The following SLC24A3 variants were observed in gnomAD, a reference collection of about 807,000 sequenced individuals.
SLC24A3 encodes the protein sodium/potassium/calcium exchanger 3.
In SLC24A3, 28 loss-of-function variants were observed where a neutral mutation model predicts 75.8. The ratio of observed to expected loss-of-function variants is 0.37; its 90% CI spans 0.27 to 0.51. The LOEUF (loss-of-function observed/expected upper bound fraction) is 0.51, where lower values mean the gene tolerates loss of function less well. Ranked by LOEUF, SLC24A3 falls within the 20% of genes least tolerant of loss-of-function variation. SLC24A3 has a pLI of 0.94. For missense variants in SLC24A3, 663 were observed against 847.8 expected (o/e 0.78, Z 2.71); for synonymous variants, 372 against 334.1 (o/e 1.11, Z -1.24).
Position 19,693,337 on chromosome 20 carries a change from A to G in SLC24A3, c.1403A>G (p.Asn468Ser), listed in dbSNP as rs1299442414. 1.9e-6 allele frequency: 3 copies of G among 1,614,104 alleles called. No individual in the cohort carries two copies. The highest frequency in any genetic ancestry group is 2.2e-5 in the South Asian group (2 of 91,068). Residue 468 changes from asparagine to serine, a missense_variant, in exon 13 of 17, where the codon AAC (asparagine) becomes AGC (serine). Physicochemically the swap from Asn to Ser is conservative, Grantham distance 46. Coordinates refer to ENST00000328041, the MANE Select transcript of SLC24A3 (RefSeq NM_020689.4). ...FVLYFTVPNCNKPRWEKWFMV... is the reference protein window; with the variant it reads ...FVLYFTVPNCSKPRWEKWFMV... Reference sequence around the variant, plus strand: ...TTATACTTCACTGTACCCAACTGCAACAAGCCGCGCTGGGAGAAATGGTTC... The same window carrying G: ...TTATACTTCACTGTACCCAACTGCAGCAAGCCGCGCTGGGAGAAATGGTTC...
intron 6 of SLC24A3, among the ~76,000 whole-genome samples, chr20:19,595,108 A>C (rs753719769): frequency 5.3e-5 from 8 of 152,202 alleles, no homozygotes; most frequent in Non-Finnish European, 1.2e-4. Context: ...CACAAGCTAG[A>C]GTAAGAAAAC....
At chr20:19,303,476 G>C (rs1057451299) in intron 2 of SLC24A3, among the ~76,000 whole-genome samples, 1 of 152,138 alleles carries the variant, frequency 6.6e-6, no homozygotes, top group Non-Finnish European at 1.5e-5. Flanking sequence ...GAACATATGC[G>C]TGCCTGTATC....
intron 2 of SLC24A3, among the ~76,000 whole-genome samples, chr20:19,378,754 T>C (rs1044579957): frequency 1.3e-5 from 2 of 152,200 alleles, no homozygotes; most frequent in African/African-American, 4.8e-5. Flanking sequence ...TGTATTTCCT[T>C]CATCTGTCTG....
chr20:19,633,365 C>G (rs900299409), intron 6 of SLC24A3, among the ~76,000 whole-genome samples: 77 of 151,904 alleles, frequency 5.1e-4, no homozygotes, highest in Admixed American at 3.1e-3. Context: ...GAATGCCAGT[C>G]GTGGCCGGGC....
chr20:19,649,681 T>C (rs1188058533), intron 6 of SLC24A3, among the ~76,000 whole-genome samples: 1 of 152,126 alleles, frequency 6.6e-6, no homozygotes, highest in Non-Finnish European at 1.5e-5. Flanking sequence ...ATGGCTACAG[T>C]AGTGAGGGAG....
chr20:19,539,499 C>G (rs2030458976), intron 3 of SLC24A3, among the ~76,000 whole-genome samples: 1 of 152,196 alleles, frequency 6.6e-6, no homozygotes, highest in Admixed American at 6.5e-5. Flanking sequence ...CATCTGCCCT[C>G]ATAACACTGA....
At chr20:19,534,439 C>T (rs1290393478) in intron 3 of SLC24A3, among the ~76,000 whole-genome samples, 1 of 10,028 alleles carries the variant, frequency 1.0e-4, no homozygotes, top group Non-Finnish European at 3.2e-4. Context: ...GTGACGGAGT[C>T]TCGCTCTGTC....
chr20:19,592,797 CTT>C (rs11480179), intron 6 of SLC24A3, among the ~76,000 whole-genome samples: 2 of 126,738 alleles, frequency 1.6e-5, no homozygotes, highest in Admixed American at 8.8e-5. Context: ...TTCTTTCTTT[CTT>C]TTTTTTTTTT....
chr20:19,434,929 TC>T (rs1987172065), intron 2 of SLC24A3, among the ~76,000 whole-genome samples: 1 of 152,226 alleles, frequency 6.6e-6, no homozygotes, highest in Non-Finnish European at 1.5e-5. Flanking sequence ...TTGACAGTTA[TC>T]TTGGCAACAG....
At chr20:19,639,225 T>G (rs2032039219) in intron 6 of SLC24A3, among the ~76,000 whole-genome samples, 1 of 151,782 alleles carries the variant, frequency 6.6e-6, no homozygotes, top group Non-Finnish European at 1.5e-5. Context: ...CCCACCAGAG[T>G]AGCTAGATAC....
intron 3 of SLC24A3, among the ~76,000 whole-genome samples, chr20:19,530,805 G>A (rs554478976): frequency 3.3e-5 from 5 of 152,222 alleles, no homozygotes; most frequent in South Asian, 2.1e-4. Context: ...CAGTAGCTGC[G>A]AGCTTGAGCA....
intron 2 of SLC24A3, among the ~76,000 whole-genome samples, chr20:19,482,755 G>A (rs577908074): frequency 6.6e-6 from 1 of 152,332 alleles, no homozygotes; most frequent in Middle Eastern, 3.4e-3. Context: ...TGGACAGTGA[G>A]AACCCTTCTG....
chr20:19,337,569 C>G (rs1214825426), intron 2 of SLC24A3, among the ~76,000 whole-genome samples: 1 of 152,152 alleles, frequency 6.6e-6, no homozygotes, highest in Non-Finnish European at 1.5e-5. Context: ...GAGCTCAGAA[C>G]AAGCTCATAT....
chr20:19,700,725 A>T (rs145764617), intron 15 of SLC24A3, among the ~76,000 whole-genome samples: 14 of 152,308 alleles, frequency 9.2e-5, no homozygotes, highest in African/African-American at 3.1e-4. Flanking sequence ...CTGTTATATC[A>T]AACGTTTTTT....
chr20:19,352,194 G>A (rs898549727), intron 2 of SLC24A3, among the ~76,000 whole-genome samples: 13 of 152,286 alleles, frequency 8.5e-5, no homozygotes, highest in Non-Finnish European at 1.8e-4. Context: ...TGAGTCAAGG[G>A]CCTTAGCATT....
chr20:19,686,445 G>A (rs944070041), intron 12 of SLC24A3, among the ~76,000 whole-genome samples: 1 of 152,174 alleles, frequency 6.6e-6, no homozygotes, highest in Non-Finnish European at 1.5e-5. Context: ...CTATTTGCTG[G>A]ACCTTCCAGA....
intron 2 of SLC24A3, among the ~76,000 whole-genome samples, chr20:19,403,710 G>C (rs985271698): frequency 7.2e-5 from 11 of 152,310 alleles, no homozygotes; most frequent in African/African-American, 2.4e-4. Context: ...AGGTAGGTGG[G>C]AAAGGGCATT....
intron 6 of SLC24A3, among the ~76,000 whole-genome samples, chr20:19,593,694 T>C (rs1398243876): frequency 6.6e-6 from 1 of 152,164 alleles, no homozygotes; most frequent in Non-Finnish European, 1.5e-5. Flanking sequence ...TCCTCAAGGC[T>C]GGCTCCCAGA....
At chr20:19,715,437 A>G (rs1034214839) in intron 15 of SLC24A3, among the ~76,000 whole-genome samples, 1 of 152,192 alleles carries the variant, frequency 6.6e-6, no homozygotes, top group Non-Finnish European at 1.5e-5. Flanking sequence ...TCACAGAGAT[A>G]TGACTTGAGT....
Sources: allele counts gnomAD v4.1 joint callset (sites outside exome capture counted in the v4.1 genomes callset), GRCh38; gene constraint gnomAD v4.1.1; transcripts MANE v1.5; gene names NCBI Gene and HGNC (gene_info 2026-07-23, HGNC 2026-07-21).